Variants in KIAA0930 observed in about 807,000 individuals in gnomAD.
KIAA0930 encodes the protein KIAA0930.
A neutral mutation model predicts 43.9 loss-of-function variants in KIAA0930; 24 were observed. The observed-to-expected ratio is 0.55, with a 90% CI of 0.40 to 0.77. The LOEUF (loss-of-function observed/expected upper bound fraction) is 0.77. Among genes scored for constraint, KIAA0930 ranks in the 30% least tolerant of loss-of-function variants. The pLI, the probability that KIAA0930 is intolerant of heterozygous loss-of-function variation, is 0.00. For missense variants in KIAA0930, 461 were observed against 574.2 expected (o/e 0.80, Z 2.02); for synonymous variants, 259 against 216.4 (o/e 1.20, Z -1.73).
chr22:45,213,606 G>A (rs79134332), intron 1 of KIAA0930: 14 of 576,678 alleles, frequency 2.4e-5, no homozygotes, highest in Non-Finnish European at 3.1e-5. Flanking sequence ...GCAAAGCGCT[G>A]TGATTATTCC....
At chr22:45,221,964 C>T (rs1468474357) in intron 1 of KIAA0930, among the ~76,000 whole-genome samples, 1 of 152,164 alleles carries the variant, frequency 6.6e-6, no homozygotes, top group Non-Finnish European at 1.5e-5. Context: ...AAACTCCTGA[C>T]CTCAGGTTAT....
At chr22:45,200,133 G>T in intron 7 of KIAA0930, 98 bp from the exon 8 acceptor site, 1 of 1,258,156 alleles carries the variant, frequency 7.9e-7, no homozygotes, top group Non-Finnish European at 1.1e-6. Context: ...ACCTGACACA[G>T]CTCCCAGGGA....
At chr22:45,231,396 G>T (rs2083852628) in intron 1 of KIAA0930, among the ~76,000 whole-genome samples, 1 of 152,048 alleles carries the variant, frequency 6.6e-6, no homozygotes. Context: ...AAGAAAGATA[G>T]TTTTCACCTC....
intron 1 of KIAA0930, among the ~76,000 whole-genome samples, chr22:45,227,928 C>T (rs1054710668): frequency 1.3e-5 from 2 of 152,224 alleles, no homozygotes; most frequent in African/African-American, 2.4e-5. Flanking sequence ...GGGGCAGCTC[C>T]CTCCTCCCTG....
chr22:45,198,495 C>T (rs534746502), intron 8 of KIAA0930, among the ~76,000 whole-genome samples: 1 of 152,244 alleles, frequency 6.6e-6, no homozygotes, highest in Non-Finnish European at 1.5e-5. Context: ...GTGCTGGAGT[C>T]CCTGACCCAG....
At chr22:45,203,218 A>T in intron 6 of KIAA0930, 34 bp from the exon 7 acceptor site, 1 of 1,555,000 alleles carries the variant, frequency 6.4e-7, no homozygotes, top group Non-Finnish European at 8.7e-7. Flanking sequence ...TGAGTCAGGG[A>T]GGTGGCGATG....
intron 1 of KIAA0930, 22 bp from the exon 2 acceptor site, chr22:45,212,129 G>C (rs774603784): frequency 7.4e-6 from 12 of 1,613,732 alleles, no homozygotes; most frequent in Non-Finnish European, 1.0e-5. Flanking sequence ...GGCCAGACAG[G>C]AGTGAGGAAG....
chr22:45,236,249 C>T (rs913807663), intron 1 of KIAA0930: 2 of 152,400 alleles, frequency 1.3e-5, no homozygotes, highest in East Asian at 3.8e-4. Context: ...GGCACCGGCT[C>T]GCGGCAGGCA....
chr22:45,196,718 G>A lies in KIAA0930; in HGVS notation c.*458C>T, dbSNP rs537775968. The A allele has an allele frequency of 6.4e-4, 102 of 159,358 alleles. No homozygotes were observed. The highest frequency in any genetic ancestry group is 1.0e-3 in the Non-Finnish European group (73 of 72,906). The allele number at this position is 159,358 out of a possible 1,614,324, so 9.9% of individuals were successfully genotyped here. A position where few individuals can be genotyped will look rare whatever the true frequency, so the allele number is the denominator to read the frequency against. ...CTCGGGTGCTGAAGTTCATCCGCAC[G>A]GCATTCCAGAATCTTCCACCGGCTT... On this transcript the variant is annotated 3_prime_UTR_variant, in exon 10 of 10. Coordinates refer to ENST00000336156, the MANE Select transcript of KIAA0930 (RefSeq NM_001009880.2). The surrounding 1 kb of genome is among the most constrained non-coding windows in gnomAD (Gnocchi z 4.1).
At chr22:45,235,990 A>C (rs1423853975) in intron 1 of KIAA0930, among the ~76,000 whole-genome samples, 2 of 152,236 alleles carry the variant, frequency 1.3e-5, no homozygotes, top group Non-Finnish European at 2.9e-5. Context: ...CAGGCCTAGC[A>C]CACACAGGTG....
chr22:45,204,518 G>A (rs1157719145), intron 5 of KIAA0930, among the ~76,000 whole-genome samples: 21 of 152,186 alleles, frequency 1.4e-4, no homozygotes, highest in Admixed American at 1.3e-3. Context: ...TGCCCTCTAG[G>A]AGCTACGTGT....
chr22:45,194,819 C>A lies in KIAA0930; in HGVS notation c.*2357G>T, dbSNP rs1170179563. On this transcript the variant is annotated 3_prime_UTR_variant, in exon 10 of 10. Transcript: ENST00000336156. Reference sequence around the variant, plus strand: ...TGTCTGTCCATCTGTCCGGACAGCACCATGTGGCTCAGCATGCAGGCCAGG... The same window carrying A: ...TGTCTGTCCATCTGTCCGGACAGCAACATGTGGCTCAGCATGCAGGCCAGG... 6.6e-6 allele frequency: 1 copy of A among 152,220 alleles called. No homozygotes were observed. The highest frequency in any genetic ancestry group is 1.5e-5 in the Non-Finnish European group (1 of 68,042). The allele number at this position is 152,220 out of a possible 1,614,324, so 9.4% of individuals were successfully genotyped here.
chr22:45,202,967 GC>G (rs2083602753), intron 7 of KIAA0930, 22 bp downstream of exon 7: 1 of 1,563,428 alleles, frequency 6.4e-7, no homozygotes. Flanking sequence ...GGGAGCCCCC[GC>G]CCCCAGCTGT....
At chr22:45,224,530 G>A (rs1403912764) in intron 1 of KIAA0930, among the ~76,000 whole-genome samples, 1 of 152,202 alleles carries the variant, frequency 6.6e-6, no homozygotes, top group Non-Finnish European at 1.5e-5. Flanking sequence ...TTGGAAGCTG[G>A]TGTTTGAACC....
intron 7 of KIAA0930, chr22:45,200,244 T>C (rs1438399066): frequency 4.3e-6 from 2 of 466,998 alleles, no homozygotes; most frequent in Non-Finnish European, 7.4e-6. Context: ...GCAGGACACC[T>C]GGCCACCAGT....
At chr22:45,210,934 C>T (rs1411554572) in intron 2 of KIAA0930, among the ~76,000 whole-genome samples, 1 of 152,218 alleles carries the variant, frequency 6.6e-6, no homozygotes, top group Non-Finnish European at 1.5e-5. Context: ...CAGACCTCCC[C>T]TCTTGGGGTG....
rs373830406 is a variant in KIAA0930, at chr22:45,202,967, G to A, written c.852+23C>T. On this transcript the variant is annotated intron_variant, in intron 7 of 9. Transcript: ENST00000336156. Reference sequence around the variant, plus strand: ...GTGAACTTGACGGATGGGAGCCCCCGCCCCCAGCTGTGCAGCCCTTACCCG... The same window carrying A: ...GTGAACTTGACGGATGGGAGCCCCCACCCCCAGCTGTGCAGCCCTTACCCG... 77 of 1,563,436 alleles carry A rather than the reference G, an allele frequency of 4.9e-5. No homozygotes were observed. In the African/African-American group the frequency reaches 6.9e-4, roughly 14 times the overall value.
intron 1 of KIAA0930, among the ~76,000 whole-genome samples, chr22:45,220,030 C>T (rs771224496): frequency 2.7e-5 from 4 of 146,972 alleles, no homozygotes; most frequent in Non-Finnish European, 4.4e-5. Flanking sequence ...TTTCGAAGAC[C>T]ACACACACAG....
intron 1 of KIAA0930, among the ~76,000 whole-genome samples, chr22:45,215,167 G>A (rs991747366): frequency 1.0e-4 from 15 of 150,172 alleles, no homozygotes; most frequent in East Asian, 1.0e-3. Context: ...GCAGTGAGTC[G>A]AGATTGTGCC....
Sources: gnomAD v4.1 joint callset for allele counts (sites outside exome capture counted in the v4.1 genomes callset) on GRCh38, gnomAD v4.1.1 for gene constraint, Gnocchi (gnomAD v3.1) non-coding constraint, MANE v1.5 for transcripts, NCBI Gene and HGNC (gene_info 2026-07-23, HGNC 2026-07-21) for gene names.